Variants in KLF7 observed in about 807,000 individuals in gnomAD.
The protein encoded by KLF7 is KLF transcription factor 7, also known as Krueppel-like factor 7.
In KLF7, 2 loss-of-function variants were observed where a neutral mutation model predicts 27.3. The ratio of observed to expected loss-of-function variants is 0.07; its 90% CI spans 0.03 to 0.23. KLF7 has a LOEUF of 0.23. Ranked by LOEUF, KLF7 falls within the 10% of genes least tolerant of loss-of-function variation. The pLI, the probability that KLF7 is intolerant of heterozygous loss-of-function variation, is 1.00. For missense variants in KLF7, 221 were observed against 394.1 expected (o/e 0.56, Z 3.72); for synonymous variants, 165 against 162.4 (o/e 1.02, Z -0.12).
intron 2 of KLF7, among the ~76,000 whole-genome samples, chr2:207,112,475 T>C (rs2077064154): frequency 6.6e-6 from 1 of 152,188 alleles, no homozygotes; most frequent in Non-Finnish European, 1.5e-5. Flanking sequence ...TCAATTGTGA[T>C]AGGGTATGGT....
At chr2:207,137,329 A>G (rs2077816439) in intron 1 of KLF7, among the ~76,000 whole-genome samples, 1 of 152,200 alleles carries the variant, frequency 6.6e-6, no homozygotes, top group African/African-American at 2.4e-5. Context: ...ATTCAAACCT[A>G]GCAGTTGGCG....
chr2:207,076,310 T>C lies in KLF7; in HGVS notation c.*4903A>G, dbSNP rs1479602341. ...AAAGAACATTATCAACCTTCCCTCA[T>C]GACCACTGAGAGGGAGCCCTGTTTG... is the stretch of plus-strand genomic sequence containing the variant. On this transcript the variant is annotated 3_prime_UTR_variant, in exon 4 of 4. Transcript: ENST00000309446. 1 of 152,162 alleles carries C rather than the reference T, an allele frequency of 6.6e-6. No individual in the cohort carries two copies. The highest frequency in any genetic ancestry group is 2.4e-5 in the African/African-American group (1 of 41,452). The allele number at this position is 152,162 out of a possible 1,614,324, so 9.4% of individuals were successfully genotyped here.
intron 1 of KLF7, among the ~76,000 whole-genome samples, chr2:207,155,252 G>T (rs1411554648): frequency 1.3e-5 from 2 of 152,236 alleles, no homozygotes; most frequent in African/African-American, 4.8e-5. Context: ...TCTTTAGGAA[G>T]TGTCTGATAC....
chr2:207,107,805 C>A (rs1368894098), intron 2 of KLF7, among the ~76,000 whole-genome samples: 1 of 152,204 alleles, frequency 6.6e-6, no homozygotes, highest in African/African-American at 2.4e-5. Flanking sequence ...GAGCAGGTGA[C>A]CTCTCAAACC....
intron 2 of KLF7, among the ~76,000 whole-genome samples, chr2:207,095,658 T>C (rs2076612920): frequency 6.6e-6 from 1 of 152,210 alleles, no homozygotes; most frequent in Admixed American, 6.5e-5. Flanking sequence ...AAAATTCAGA[T>C]TAAAAAATTG....
At chr2:207,168,061 G>A (rs987469663), upstream of KLF7, among the ~76,000 whole-genome samples, 1 of 148,684 alleles carries the variant, frequency 6.7e-6, no homozygotes, top group Non-Finnish European at 1.5e-5. Context: ...CAACTGGGGG[G>A]ATGGGCAGGA....
At chr2:207,156,145 G>A (rs1291783726) in intron 1 of KLF7, among the ~76,000 whole-genome samples, 1 of 152,156 alleles carries the variant, frequency 6.6e-6, no homozygotes, top group Non-Finnish European at 1.5e-5. Flanking sequence ...CCCCATCAAA[G>A]ACAGTTTACA....
In KLF7 at chr2:207,165,378, C is replaced by T. The variant is rs888924036; in HGVS notation, c.102+89G>A. 6.4e-6 allele frequency: 10 copies of T among 1,562,918 alleles called. No individual in the cohort carries two copies. In the African/African-American group the frequency reaches 6.9e-5, roughly 11 times the overall value. On this transcript the variant is annotated intron_variant, in intron 1 of 3. Coordinates refer to ENST00000309446, the MANE Select transcript of KLF7 (RefSeq NM_003709.4). ...AAGAAAAAAAAGTCAAACAAACAAA[C>T]AAAAATTTCAACCCAGAGCCCACAC... is the stretch of plus-strand genomic sequence containing the variant.
At chr2:207,082,296 G>A (rs918439408) in intron 3 of KLF7, among the ~76,000 whole-genome samples, 6 of 152,142 alleles carry the variant, frequency 3.9e-5, no homozygotes, top group African/African-American at 1.4e-4. Context: ...GAAGAGAGAA[G>A]CTCTCTTTCC....
At chr2:207,082,401 T>C (rs1304332685) in intron 3 of KLF7, among the ~76,000 whole-genome samples, 1 of 152,100 alleles carries the variant, frequency 6.6e-6, no homozygotes, top group East Asian at 1.9e-4. Flanking sequence ...TTCTGGGGGA[T>C]AGAAAGAGTC....
intron 2 of KLF7, among the ~76,000 whole-genome samples, chr2:207,122,984 A>G (rs2077380173): frequency 6.6e-6 from 1 of 151,504 alleles, no homozygotes; most frequent in African/African-American, 2.4e-5. Flanking sequence ...CAAGAAAAAT[A>G]AGAGTTTCAC....
intron 1 of KLF7, among the ~76,000 whole-genome samples, chr2:207,133,605 C>T (rs1298392064): frequency 1.3e-5 from 2 of 152,156 alleles, no homozygotes; most frequent in African/African-American, 2.4e-5. Context: ...GTTTTCTTGA[C>T]GAGCGCTTGT....
intron 1 of KLF7, among the ~76,000 whole-genome samples, chr2:207,149,978 G>A (rs1369909345): frequency 6.6e-6 from 1 of 152,142 alleles, no homozygotes; most frequent in Non-Finnish European, 1.5e-5. Context: ...ATGTGACAGT[G>A]TATTGTTAAT....
chr2:207,107,594 C>T (rs1193520201), intron 2 of KLF7, among the ~76,000 whole-genome samples: 4 of 152,200 alleles, frequency 2.6e-5, no homozygotes, highest in Non-Finnish European at 4.4e-5. Flanking sequence ...ACCTTCAAGC[C>T]GCATCATTGC....
intron 2 of KLF7, among the ~76,000 whole-genome samples, chr2:207,095,592 C>T (rs35872247): frequency 0.24 from 37,236 of 152,092 alleles, 5,183 homozygotes; most frequent in Middle Eastern, 0.32. Context: ...TAGCAACGAG[C>T]GCTTGAAATG....
chr2:207,139,331 C>T (rs1253622127), intron 1 of KLF7, among the ~76,000 whole-genome samples: 1 of 152,176 alleles, frequency 6.6e-6, no homozygotes, highest in South Asian at 2.1e-4. Flanking sequence ...ACCTTGGAGT[C>T]CCCCTGTGAG....
At chr2:207,166,214 T>C, upstream of KLF7, 9 of 981,098 alleles carry the variant, frequency 9.2e-6, no homozygotes, top group Non-Finnish European at 9.7e-6. Context: ...AGGGGGCTCA[T>C]GAAGTCACTG....
intron 1 of KLF7, among the ~76,000 whole-genome samples, chr2:207,135,390 T>C (rs1337470614): frequency 6.6e-6 from 1 of 152,168 alleles, no homozygotes; most frequent in African/African-American, 2.4e-5. Context: ...CCTCAAGGCC[T>C]TTATTAAAAG....
At chr2:207,102,991 T>C (rs1271408225) in intron 2 of KLF7, among the ~76,000 whole-genome samples, 1 of 152,172 alleles carries the variant, frequency 6.6e-6, no homozygotes, top group Non-Finnish European at 1.5e-5. Context: ...TGCAGTGGCG[T>C]GATCTTAGCT....
Sources: allele counts gnomAD v4.1 joint callset (sites outside exome capture counted in the v4.1 genomes callset), GRCh38; gene constraint gnomAD v4.1.1; transcripts MANE v1.5; gene names NCBI Gene and HGNC (gene_info 2026-07-23, HGNC 2026-07-21).